Variants in FBXL17 observed in about 807,000 individuals in gnomAD.
The protein encoded by FBXL17 is F-box/LRR-repeat protein 17.
Under a neutral mutation model 66.2 loss-of-function variants are expected in FBXL17, and 22 were observed. That is an observed-to-expected ratio of 0.33 (90% CI 0.24 to 0.47). The LOEUF is 0.47. FBXL17 is among the 20% of genes least tolerant of loss of function. The pLI, the probability that FBXL17 is intolerant of heterozygous loss-of-function variation, is 1.00. For missense variants in FBXL17, 878 were observed against 948.2 expected, an observed-to-expected ratio of 0.93 and a Z score of 0.97; for synonymous variants, 474 against 400.5, an observed-to-expected ratio of 1.18 and a Z score of -2.19.
chr5:108,234,900 G>A (rs533553556), intron 4 of FBXL17, among the ~76,000 whole-genome samples: 12 of 152,238 alleles, frequency 7.9e-5, no homozygotes, highest in African/African-American at 2.6e-4. Flanking sequence ...TAAGGACAGG[G>A]AAAGCTCTTC....
chr5:108,083,250 C>CACACAGAG (rs369652150), intron 6 of FBXL17, among the ~76,000 whole-genome samples: 2,394 of 145,634 alleles, frequency 0.016, 59 homozygotes, highest in African/African-American at 0.049. Flanking sequence ...CACACACACA[C>CACACAGAG]AGAGAGAGAG....
At chr5:108,118,047 G>C (rs567007978) in intron 6 of FBXL17, among the ~76,000 whole-genome samples, 220 of 152,240 alleles carry the variant, frequency 1.4e-3, no homozygotes, top group Non-Finnish European at 2.6e-3. Flanking sequence ...CTGGCAGGTG[G>C]GCTAACTTAA....
chr5:108,080,156 GC>G (rs1290410574), intron 6 of FBXL17, among the ~76,000 whole-genome samples: 1 of 152,126 alleles, frequency 6.6e-6, no homozygotes, highest in African/African-American at 2.4e-5. Context: ...AAATATCTTA[GC>G]AAAGAACTAC....
At chr5:108,301,976 C>G in intron 4 of FBXL17, 1 of 972,872 alleles carries the variant, frequency 1.0e-6, no homozygotes, top group Non-Finnish European at 1.2e-6. Context: ...TTAAGAATAC[C>G]TCCTAGTAGG....
At chr5:107,972,693 G>A (rs28670811) in intron 7 of FBXL17, among the ~76,000 whole-genome samples, 5 of 151,870 alleles carry the variant, frequency 3.3e-5, no homozygotes, top group South Asian at 2.1e-4. Flanking sequence ...TTAAGTCACC[G>A]CTTAGCTTTC....
At chr5:108,019,083 C>A (rs1754488483) in intron 7 of FBXL17, among the ~76,000 whole-genome samples, 1 of 152,088 alleles carries the variant, frequency 6.6e-6, no homozygotes, top group South Asian at 2.1e-4. Context: ...CTAAGTGAAT[C>A]TTGTTTTTAT....
intron 6 of FBXL17, among the ~76,000 whole-genome samples, chr5:108,074,138 C>G (rs1314680506): frequency 6.6e-6 from 1 of 152,164 alleles, no homozygotes; most frequent in Non-Finnish European, 1.5e-5. Context: ...GACTGTGATG[C>G]TCCCAGTGTA....
At chr5:108,036,141 G>GT (rs535605286) in intron 6 of FBXL17, among the ~76,000 whole-genome samples, 5 of 151,964 alleles carry the variant, frequency 3.3e-5, no homozygotes, top group African/African-American at 9.6e-5. Context: ...GACTGTGCCA[G>GT]TTTTTTTTGT....
At chr5:107,872,710 A>T (rs1748496737) in intron 8 of FBXL17, among the ~76,000 whole-genome samples, 1 of 152,190 alleles carries the variant, frequency 6.6e-6, no homozygotes, top group Admixed American at 6.5e-5. Context: ...GAAGGGTAAA[A>T]ATTCACCACC....
At chr5:107,891,759 T>C (rs971103776) in intron 7 of FBXL17, among the ~76,000 whole-genome samples, 3 of 152,298 alleles carry the variant, frequency 2.0e-5, no homozygotes, top group Admixed American at 2.0e-4. Context: ...TTAGTAGGAA[T>C]ACACTGATTT....
chr5:108,188,089 TAC>T (rs1471517565), intron 5 of FBXL17, among the ~76,000 whole-genome samples: 4 of 152,176 alleles, frequency 2.6e-5, no homozygotes, highest in Non-Finnish European at 4.4e-5. Context: ...GGCTAACAGC[TAC>T]AGTGTTGGTG....
chr5:108,350,439 A>G (rs1211297578), intron 3 of FBXL17, among the ~76,000 whole-genome samples: 1 of 152,250 alleles, frequency 6.6e-6, no homozygotes, highest in African/African-American at 2.4e-5. Flanking sequence ...AGGAATTCAA[A>G]GAAACATTTC....
chr5:108,189,000 T>C (rs985509029), intron 5 of FBXL17, among the ~76,000 whole-genome samples: 4 of 152,212 alleles, frequency 2.6e-5, no homozygotes, highest in African/African-American at 9.6e-5. Context: ...TCCTTTCCAA[T>C]ATGTGATCTG....
intron 6 of FBXL17, among the ~76,000 whole-genome samples, chr5:108,097,154 A>T (rs1749399422): frequency 6.6e-6 from 1 of 151,558 alleles, no homozygotes; most frequent in Non-Finnish European, 1.5e-5. Context: ...TGGTTTTATA[A>T]ACGGCAGTTT....
At chr5:108,009,394 TTTTC>T (rs1341483029) in intron 7 of FBXL17, among the ~76,000 whole-genome samples, 4 of 148,780 alleles carry the variant, frequency 2.7e-5, no homozygotes, top group African/African-American at 7.4e-5. Context: ...ATGAACTGAA[TTTTC>T]TTTGTTTATT....
chr5:108,306,886 A>G (rs1758867853), intron 4 of FBXL17, among the ~76,000 whole-genome samples: 1 of 152,080 alleles, frequency 6.6e-6, no homozygotes, highest in Non-Finnish European at 1.5e-5. Context: ...ATATTGATTG[A>G]CACTAGCAAT....
chr5:107,955,496 T>C (rs917834178), intron 7 of FBXL17, among the ~76,000 whole-genome samples: 1 of 152,188 alleles, frequency 6.6e-6, no homozygotes, highest in Non-Finnish European at 1.5e-5. Context: ...GCTATTGCAG[T>C]GCGCTGTGAC....
At chr5:108,146,788 C>T (rs945550644) in intron 6 of FBXL17, among the ~76,000 whole-genome samples, 4 of 152,048 alleles carry the variant, frequency 2.6e-5, no homozygotes, top group African/African-American at 7.2e-5. Flanking sequence ...GGCTAGGGAC[C>T]CCCCAGACAG....
At chr5:108,156,518 G>C (rs1236209831) in intron 6 of FBXL17, among the ~76,000 whole-genome samples, 1 of 151,744 alleles carries the variant, frequency 6.6e-6, no homozygotes, top group African/African-American at 2.4e-5. Flanking sequence ...TTACAACGTT[G>C]AGAGTTAAAA....
Sources: gnomAD v4.1 joint callset for allele counts (sites outside exome capture counted in the v4.1 genomes callset) on GRCh38, gnomAD v4.1.1 for gene constraint, MANE v1.5 for transcripts, NCBI Gene and HGNC (gene_info 2026-07-23, HGNC 2026-07-21) for gene names.